The following PCDHGA1 variants were observed in gnomAD, a reference collection of about 807,000 sequenced individuals.
PCDHGA1 encodes protocadherin gamma-A1.
Under a neutral mutation model 58.0 loss-of-function variants are expected in PCDHGA1, and 32 were observed. That is an observed-to-expected ratio of 0.55 (90% CI 0.42 to 0.74). The LOEUF is 0.74. PCDHGA1 is among the 30% of genes least tolerant of loss of function. PCDHGA1 has a pLI of 0.00. For missense variants in PCDHGA1, 1,205 were observed against 1,182.3 expected (o/e 1.02, Z -0.28); for synonymous variants, 498 against 501.1 (o/e 0.99, Z 0.08).
chr5:141,389,330 C>T, intron 1 of PCDHGA1: 1 of 1,614,000 alleles, frequency 6.2e-7, no homozygotes. Context: ...TGGGGCCCAA[C>T]GGCCAAGTCT....
intron 1 of PCDHGA1, chr5:141,426,739 GC>G (rs1345744337): frequency 8.8e-6 from 4 of 453,408 alleles, no homozygotes; most frequent in Non-Finnish European, 1.8e-5. Flanking sequence ...ATTCGGTTTG[GC>G]CTGGAATCTG....
Position 141,431,877 on chromosome 5 carries a change from AC to A in PCDHGA1, c.2422-62928del. 1 of 1,614,230 alleles carries A rather than the reference AC, an allele frequency of 6.2e-7. No individual in the cohort carries two copies. The highest frequency in any genetic ancestry group is 1.3e-5 in the African/African-American group (1 of 75,070). ...TTAATTGCCCTTTTAAATGTAAATGACCAAGATTCTGAGGAAAACGGACAGG... is the reference window on the plus strand; with the variant it reads ...TTAATTGCCCTTTTAAATGTAAATGACAAGATTCTGAGGAAAACGGACAGG... On this transcript the variant is annotated intron_variant, in intron 1 of 3. Coordinates refer to ENST00000517417, the MANE Select transcript of PCDHGA1 (RefSeq NM_018912.3). The surrounding 1 kb of genome is among the most constrained non-coding windows in gnomAD (Gnocchi z 4.8).
chr5:141,423,904 G>A, intron 1 of PCDHGA1: 2 of 1,275,052 alleles, frequency 1.6e-6, no homozygotes, highest in Middle Eastern at 3.1e-4. Flanking sequence ...TGATTTCAAA[G>A]GGGCCATTCA....
At chr5:141,370,250 T>C in intron 1 of PCDHGA1, 1 of 693,716 alleles carries the variant, frequency 1.4e-6, no homozygotes. Context: ...GTGCACTCTC[T>C]ATCAGGCTTC....
Position 141,331,769 on chromosome 5 carries a change from C to T in PCDHGA1, c.1085C>T (p.Pro362Leu). The T allele has an allele frequency of 6.2e-7, 1 of 1,614,182 alleles. No homozygotes were observed. Among genetic ancestry groups the T allele is most frequent in the Non-Finnish European group, 8.5e-7 (1 of 1,180,040 alleles). Reference protein sequence around the residue: ...VTTAVPENFPPGTIIALISVH... With the variant: ...VTTAVPENFPLGTIIALISVH... ...ACTGCAGTTCCAGAAAACTTTCCTC[C>T]TGGGACCATAATTGCTCTTATCAGT... The change falls in exon 1 of 4, where the codon CCT becomes CTT. Residue 362 changes from proline (P) to leucine (L), a missense_variant. Transcript: ENST00000517417.
chr5:141,361,660 G>A (rs768286784), intron 1 of PCDHGA1: 5 of 1,613,636 alleles, frequency 3.1e-6, no homozygotes, highest in East Asian at 4.5e-5. Context: ...GTCCGTGAGC[G>A]CGCAGAGCGG....
At chr5:141,347,141 T>TTCTTTCTC (rs1757900231) in intron 1 of PCDHGA1, among the ~76,000 whole-genome samples, 1 of 89,964 alleles carries the variant, frequency 1.1e-5, no homozygotes, top group African/African-American at 3.7e-5. Flanking sequence ...GTTTCTCTCT[T>TTCTTTCTC]TCTTTCTTTC....
chr5:141,413,926 T>C, intron 1 of PCDHGA1: 4 of 1,613,380 alleles, frequency 2.5e-6, no homozygotes, highest in Non-Finnish European at 3.4e-6. Flanking sequence ...CTTGCCAGAA[T>C]ACCGAGTGAG....
chr5:141,488,040 G>A (rs1212272063), intron 1 of PCDHGA1, among the ~76,000 whole-genome samples: 1 of 152,112 alleles, frequency 6.6e-6, no homozygotes, highest in Non-Finnish European at 1.5e-5. Flanking sequence ...CATTTCCCAA[G>A]GGATTGAGGG....
chr5:141,468,549 C>T (rs1289802190), intron 1 of PCDHGA1: 2 of 151,940 alleles, frequency 1.3e-5, no homozygotes, highest in Non-Finnish European at 2.9e-5. Flanking sequence ...ACATATTTAA[C>T]ATTTGTGATA....
In PCDHGA1 at chr5:141,486,056, C is replaced by T; in HGVS notation, c.2422-8751C>T. 6.2e-7 allele frequency: 1 copy of T among 1,614,170 alleles called. No homozygotes were observed. The highest frequency in any genetic ancestry group is 8.5e-7 in the Non-Finnish European group (1 of 1,180,026). ...TGATCGTGTAAGAAACCTCTTTAGC[C>T]TGCACCCCACTACTGGAAAGCTTAC... On this transcript the variant is annotated intron_variant, in intron 1 of 3. Transcript: ENST00000517417. The surrounding 1 kb of genome is among the most constrained non-coding windows in gnomAD (Gnocchi z 5.0).
At chr5:141,354,824 G>A (rs923189281) in intron 1 of PCDHGA1, among the ~76,000 whole-genome samples, 1 of 152,154 alleles carries the variant, frequency 6.6e-6, no homozygotes, top group Non-Finnish European at 1.5e-5. Context: ...TATTGTACAG[G>A]AAGACTTGGA....
At chr5:141,376,267 G>T (rs1021502624) in intron 1 of PCDHGA1, 2 of 1,614,210 alleles carry the variant, frequency 1.2e-6, no homozygotes. Flanking sequence ...TGCAGGCTTC[G>T]GGAGGTGGCT....
intron 2 of PCDHGA1, among the ~76,000 whole-genome samples, chr5:141,503,950 C>T (rs1216385793): frequency 3.3e-5 from 5 of 152,180 alleles, no homozygotes; most frequent in Non-Finnish European, 7.3e-5. Flanking sequence ...CAAGGCCTAC[C>T]CTACAGCCTT....
intron 1 of PCDHGA1, chr5:141,375,036 G>GT (rs747497967): frequency 1.9e-6 from 3 of 1,614,002 alleles, no homozygotes; most frequent in Non-Finnish European, 2.5e-6. Flanking sequence ...TATGAGCTGG[G>GT]TGTTGAAGCC....
chr5:141,494,943 G>A, intron 2 of PCDHGA1, 78 bp downstream of exon 2: 2 of 1,610,326 alleles, frequency 1.2e-6, no homozygotes, highest in Non-Finnish European at 1.7e-6. Flanking sequence ...ATGGGGGAGG[G>A]CCCAGCATTT....
intron 3 of PCDHGA1, chr5:141,507,285 C>T (rs80317708): frequency 2.7e-5 from 4 of 150,212 alleles, no homozygotes; most frequent in African/African-American, 7.4e-5. Flanking sequence ...ATAAGTCAGT[C>T]TCAAATGTTG....
At chr5:141,389,133 A>G (rs1239484034) in intron 1 of PCDHGA1, 18 of 1,613,928 alleles carry the variant, frequency 1.1e-5, no homozygotes, top group Admixed American at 5.0e-5. Flanking sequence ...TCCAGAGTAC[A>G]ATATAACCGT....
At chr5:141,394,519 C>A (rs1462431722) in intron 1 of PCDHGA1, 1 of 1,614,240 alleles carries the variant, frequency 6.2e-7, no homozygotes, top group South Asian at 1.1e-5. Context: ...GCCCTCCCCA[C>A]AGACGGTTCC....
Sources: allele counts gnomAD v4.1 joint callset (sites outside exome capture counted in the v4.1 genomes callset), GRCh38; gene constraint gnomAD v4.1.1; non-coding constraint Gnocchi (gnomAD v3.1); transcripts MANE v1.5; gene names NCBI Gene and HGNC (gene_info 2026-07-23, HGNC 2026-07-21).